The following APBA2 variants were observed in gnomAD, a reference collection of about 807,000 sequenced individuals.
APBA2 encodes amyloid beta precursor protein binding family A member 2.
In APBA2, 30 loss-of-function variants were observed where a neutral mutation model predicts 75.0. The observed-to-expected ratio is 0.40, with a 90% CI of 0.30 to 0.54. The LOEUF (loss-of-function observed/expected upper bound fraction) is 0.54, where lower values mean the gene tolerates loss of function less well. APBA2 is among the 20% of genes least tolerant of loss of function. The pLI is 0.49. For missense variants in APBA2, 801 were observed against 1,016.1 expected (o/e 0.79, Z 2.88); for synonymous variants, 444 against 409.6 (o/e 1.08, Z -1.01).
chr15:28,937,767 C>T (rs750462915), intron 2 of APBA2, among the ~76,000 whole-genome samples: 11 of 152,116 alleles, frequency 7.2e-5, no homozygotes, highest in Non-Finnish European at 1.2e-4. Flanking sequence ...CGCCATTCTC[C>T]TGCCTCAGCC....
At chr15:28,891,393 A>G (rs561668360) in intron 1 of APBA2, among the ~76,000 whole-genome samples, 1 of 152,188 alleles carries the variant, frequency 6.6e-6, no homozygotes, top group African/African-American at 2.4e-5. Context: ...ATTTTGTATC[A>G]GATTTGTTTT....
chr15:29,065,048 A>C, intron 4 of APBA2, among the ~76,000 whole-genome samples: 1 of 151,882 alleles, frequency 6.6e-6, no homozygotes, highest in Non-Finnish European at 1.5e-5. Flanking sequence ...TGTATGTGAG[A>C]TATTGACTTG....
intron 2 of APBA2, among the ~76,000 whole-genome samples, chr15:28,927,832 T>G (rs2034354683): frequency 6.6e-6 from 1 of 152,028 alleles, no homozygotes; most frequent in Admixed American, 6.5e-5. Context: ...GTCAAAGGCA[T>G]TCTTCATTTC....
At chr15:29,116,055 A>C (rs895978775) in intron 14 of APBA2, among the ~76,000 whole-genome samples, 9 of 150,432 alleles carry the variant, frequency 6.0e-5, no homozygotes, top group African/African-American at 2.2e-4. Flanking sequence ...TGGGCAGTAG[A>C]GCTCCCTTTC....
chr15:28,994,639 A>G (rs2038413185), intron 2 of APBA2, among the ~76,000 whole-genome samples: 2 of 152,148 alleles, frequency 1.3e-5, no homozygotes, highest in African/African-American at 2.4e-5. Context: ...TCCCTGGGCC[A>G]TTTTGGGTGG....
chr15:29,041,117 G>C (rs2041020390), intron 3 of APBA2, among the ~76,000 whole-genome samples: 1 of 152,036 alleles, frequency 6.6e-6, no homozygotes, highest in South Asian at 2.1e-4. Context: ...ACAGAAGAAA[G>C]AATCTAAGTT....
intron 13 of APBA2, among the ~76,000 whole-genome samples, chr15:29,113,135 C>CT (rs1316594683): frequency 6.6e-6 from 1 of 152,142 alleles, no homozygotes; most frequent in Non-Finnish European, 1.5e-5. Flanking sequence ...AACACTGCTG[C>CT]TGTGAACACG....
chr15:28,996,828 C>T (rs193030204), intron 3 of APBA2, among the ~76,000 whole-genome samples: 1 of 152,274 alleles, frequency 6.6e-6, no homozygotes, highest in Admixed American at 6.5e-5. Flanking sequence ...GCCTTGGGAA[C>T]ACCCCCCCTG....
chr15:28,970,791 GA>G (rs1566857777), intron 2 of APBA2, among the ~76,000 whole-genome samples: 1 of 151,470 alleles, frequency 6.6e-6, no homozygotes, highest in African/African-American at 2.4e-5. Flanking sequence ...GCAACAACAA[GA>G]AAAAACAAAG....
At chr15:29,084,365 A>G (rs941750862) in intron 6 of APBA2, among the ~76,000 whole-genome samples, 27 of 152,202 alleles carry the variant, frequency 1.8e-4, no homozygotes, top group Admixed American at 9.8e-4. Flanking sequence ...TGAAAGATCT[A>G]TGCTTTTAAT....
At chr15:29,051,400 G>C (rs1181190283) in intron 3 of APBA2, among the ~76,000 whole-genome samples, 1 of 152,154 alleles carries the variant, frequency 6.6e-6, no homozygotes, top group Non-Finnish European at 1.5e-5. Context: ...ACTCTAGGGG[G>C]AGTGCTGTGA....
At chr15:29,063,248 A>G (rs1595872399) in intron 4 of APBA2, among the ~76,000 whole-genome samples, 1 of 81,906 alleles carries the variant, frequency 1.2e-5, no homozygotes, top group African/African-American at 4.3e-5. Context: ...TAGGGAGGGA[A>G]GTTGATCTGG....
At position 29,094,267 on chromosome 15, in the gene APBA2, C is replaced by T. The variant is rs1386737893; in HGVS notation, c.1216-11C>T. 1.9e-6 allele frequency: 3 copies of T among 1,614,080 alleles called. No homozygotes were observed. The African/African-American group carries it at 4.0e-5, about 22-fold the overall frequency. On this transcript the variant is annotated splice_polypyrimidine_tract_variant and intron_variant, in intron 7 of 14. Coordinates refer to ENST00000683413, the MANE Select transcript of APBA2 (RefSeq NM_001353788.2). ...GCCAACTTGTTTTTCTTTTCTCTTC[C>T]ATGCTGTCAGAGGATGCAAAAGGCT...
rs959612730 is a variant in APBA2, at chr15:29,076,159, A to G, written c.1069+68A>G. ...TTACATCAAAATAAATGGTGCTTTT[A>G]GTTTGGGCATTCACCTGCAAAGCTT... On this transcript the variant is annotated intron_variant, in intron 6 of 14. Transcript: ENST00000683413. The G allele has an allele frequency of 2.5e-5, 38 of 1,521,152 alleles. No individual in the cohort carries two copies. The African/African-American group carries it at 5.1e-4, about 20-fold the overall frequency. The allele number at this position is 1,521,152 out of a possible 1,614,324, so 94.2% of individuals were successfully genotyped here. A position where few individuals can be genotyped will look rare whatever the true frequency, so the allele number is the denominator to read the frequency against.
intron 1 of APBA2, among the ~76,000 whole-genome samples, chr15:28,916,458 A>C (rs1480423408): frequency 6.6e-6 from 1 of 152,200 alleles, no homozygotes; most frequent in Non-Finnish European, 1.5e-5. Context: ...CAACCAGTAC[A>C]CATATCTTTA....
At chr15:28,977,927 T>C (rs66939603) in intron 2 of APBA2, among the ~76,000 whole-genome samples, 1 of 151,944 alleles carries the variant, frequency 6.6e-6, no homozygotes, top group East Asian at 1.9e-4. Flanking sequence ...AGTGAACAGC[T>C]TGGGCTGTGG....
intron 2 of APBA2, among the ~76,000 whole-genome samples, chr15:28,950,516 A>T (rs1031205058): frequency 8.5e-5 from 13 of 152,188 alleles, no homozygotes; most frequent in Admixed American, 3.9e-4. Flanking sequence ...AGTCCCAGCT[A>T]CTTGGGAGAC....
intron 12 of APBA2, 25 bp from the exon 13 acceptor site, chr15:29,108,245 T>C: frequency 6.2e-7 from 1 of 1,613,462 alleles, no homozygotes; most frequent in Non-Finnish European, 8.5e-7. Context: ...GCCCAGCCTG[T>C]GACTCCTGTC....
chr15:29,085,385 C>T (rs56035730), intron 6 of APBA2, among the ~76,000 whole-genome samples: 4,581 of 151,836 alleles, frequency 0.03, 139 homozygotes, highest in African/African-American at 0.073. Context: ...ATTAGCCAGG[C>T]GTGGTGGCGG....
Sources: gnomAD v4.1 joint callset for allele counts (sites outside exome capture counted in the v4.1 genomes callset) on GRCh38, gnomAD v4.1.1 for gene constraint, MANE v1.5 for transcripts, NCBI Gene and HGNC (gene_info 2026-07-23, HGNC 2026-07-21) for gene names.